The following PHEX variants were observed in gnomAD, a reference collection of about 807,000 sequenced individuals.
The protein encoded by PHEX is phosphate regulating endopeptidase X-linked, also known as phosphate-regulating neutral endopeptidase PHEX.
In PHEX, 16 loss-of-function variants were observed where a neutral mutation model predicts 68.0. That is an observed-to-expected ratio of 0.24 (90% CI 0.16 to 0.36). The LOEUF (loss-of-function observed/expected upper bound fraction) is 0.36, where lower values mean the gene tolerates loss of function less well. Ranked by LOEUF, PHEX falls within the 10% of genes least tolerant of loss-of-function variation. PHEX has a pLI of 1.00. For synonymous variants in PHEX, 208 were observed against 205.1 expected (o/e 1.01, Z -0.12); for missense variants, 480 against 575.5 (o/e 0.83, Z 1.70).
chrX:22,234,297 C>T, intron 20 of PHEX, among the ~76,000 whole-genome samples: 1 of 112,704 alleles, frequency 8.9e-6, no homozygotes. Flanking sequence ...GGCAGTCTGA[C>T]CCTTAGCAGA....
intron 14 of PHEX, among the ~76,000 whole-genome samples, chrX:22,178,914 AG>A (rs1933795249): frequency 8.9e-6 from 1 of 111,749 alleles, no homozygotes; most frequent in South Asian, 3.7e-4. Context: ...GAGTTTCCTT[AG>A]GAACTTTTAG....
rs1934691409 is a variant in PHEX, at chrX:22,205,722, A to G, written c.1646-7182A>G. 2.7e-5 allele frequency among the ~76,000 whole-genome samples: 3 copies of G among 110,580 alleles called. No homozygotes were observed. The South Asian group carries it at 1.1e-3, about 41-fold the overall frequency. On this transcript the variant is annotated intron_variant, in intron 15 of 21. Coordinates refer to ENST00000379374, the MANE Select transcript of PHEX (RefSeq NM_000444.6). ...AATATTTAAAAAACTTCCAAATAAC[A>G]TACAATTTTGGAAGGTAATGTTTTA...
In PHEX at chrX:22,229,210, A is replaced by G. The variant is rs1186307037; in HGVS notation, c.2070+1599A>G. On this transcript the variant is annotated intron_variant, in intron 20 of 21. Coordinates refer to ENST00000379374, the MANE Select transcript of PHEX (RefSeq NM_000444.6). ...CACAATAAACATAAGTGTGCATGGC[A>G]TCTTTCTTTATAGTAGCATGGTTTA... Among the ~76,000 whole-genome samples, 4 of 111,839 alleles carry G rather than the reference A, an allele frequency of 3.6e-5. No homozygotes were observed. In the East Asian group the frequency reaches 1.1e-3, roughly 32 times the overall value.
Position 22,145,164 on chromosome X carries a change from A to T in PHEX, c.1404+11540A>T, listed in dbSNP as rs1036265645. Among the ~76,000 whole-genome samples, 6 of 111,846 alleles carry T rather than the reference A, an allele frequency of 5.4e-5. No individual in the cohort carries two copies. In the Admixed American group the frequency reaches 5.7e-4, roughly 11 times the overall value. ...CAGGTGTTGTCAGCCTGATCCTTTC[A>T]TTTGAACTTTCTTACCATTCCTCAT... On this transcript the variant is annotated intron_variant, in intron 12 of 21. Transcript: ENST00000379374.
intron 9 of PHEX, among the ~76,000 whole-genome samples, chrX:22,101,582 T>A (rs1279453981): frequency 8.9e-6 from 1 of 111,754 alleles, no homozygotes; most frequent in Non-Finnish European, 1.9e-5. Flanking sequence ...GAAGCCAGAC[T>A]CCTTTCATCT....
intron 2 of PHEX, among the ~76,000 whole-genome samples, chrX:22,040,117 C>G (rs1220712491): frequency 9.0e-6 from 1 of 111,673 alleles, no homozygotes; most frequent in Non-Finnish European, 1.9e-5. Flanking sequence ...TTCAGGGAGC[C>G]AGATTCTAGC....
intron 11 of PHEX, among the ~76,000 whole-genome samples, chrX:22,132,356 CT>C (rs779194032): frequency 1.0e-3 from 112 of 111,686 alleles, no homozygotes; most frequent in African/African-American, 3.5e-3. Flanking sequence ...AATCCTCCTG[CT>C]TCGGCCTTCC....
At chrX:22,240,634 C>G (rs1179761769) in intron 20 of PHEX, among the ~76,000 whole-genome samples, 2 of 95,327 alleles carry the variant, frequency 2.1e-5, no homozygotes, top group Admixed American at 1.0e-4. Context: ...GACTTTAATC[C>G]AACAAAGATC....
intron 15 of PHEX, among the ~76,000 whole-genome samples, chrX:22,197,131 G>GC (rs1934391854): frequency 8.9e-6 from 1 of 111,796 alleles, no homozygotes; most frequent in South Asian, 3.7e-4. Flanking sequence ...GTCTTCCATT[G>GC]TTTTTAGAGC....
At chrX:22,216,560 C>T (rs1361180827) in intron 16 of PHEX, among the ~76,000 whole-genome samples, 2 of 109,376 alleles carry the variant, frequency 1.8e-5, no homozygotes, top group African/African-American at 6.7e-5. Context: ...GCTCTTGTTG[C>T]CCAGGCTGGA....
intron 11 of PHEX, among the ~76,000 whole-genome samples, chrX:22,125,567 T>C (rs900134269): frequency 6.3e-5 from 7 of 111,489 alleles, no homozygotes; most frequent in Non-Finnish European, 1.3e-4. Flanking sequence ...CCAAGCTGTT[T>C]GTCATGTACC....
intron 17 of PHEX, among the ~76,000 whole-genome samples, chrX:22,219,648 C>T (rs925161508): frequency 8.9e-6 from 1 of 111,823 alleles, no homozygotes; most frequent in Non-Finnish European, 1.9e-5. Flanking sequence ...GAGACGGAGT[C>T]TAGCTCTGTC....
At chrX:22,069,802 T>C (rs1168825488) in intron 3 of PHEX, among the ~76,000 whole-genome samples, 2 of 111,852 alleles carry the variant, frequency 1.8e-5, no homozygotes, top group Non-Finnish European at 3.8e-5. Flanking sequence ...GCTGAGGAAC[T>C]GCCAAGCTGA....
chrX:22,080,471 A>G (rs1416364878), intron 5 of PHEX, among the ~76,000 whole-genome samples: 1 of 111,528 alleles, frequency 9.0e-6, no homozygotes, highest in East Asian at 2.8e-4. Flanking sequence ...CACATTTACA[A>G]GAGTTCGAGC....
chrX:22,239,505 G>A lies in PHEX; in HGVS notation c.2071-5828G>A, dbSNP rs187045795. Reference sequence around the variant, plus strand: ...CTAAGAACCTTGAAAACAGGTTAGAGGAACTGCTAACTAGAATAACCAGTT... The same window carrying A: ...CTAAGAACCTTGAAAACAGGTTAGAAGAACTGCTAACTAGAATAACCAGTT... On this transcript the variant is annotated intron_variant, in intron 20 of 21. Coordinates refer to ENST00000379374, the MANE Select transcript of PHEX (RefSeq NM_000444.6). 4.7e-3 allele frequency among the ~76,000 whole-genome samples: 522 copies of A among 110,833 alleles called. 2 individuals carry two copies. The highest frequency in any genetic ancestry group is 0.016 in the African/African-American group (491 of 30,508).
chrX:22,206,704 C>T (rs760838572), intron 15 of PHEX, among the ~76,000 whole-genome samples: 1 of 111,079 alleles, frequency 9.0e-6, no homozygotes, highest in Non-Finnish European at 1.9e-5. Context: ...AGAAGAGAGG[C>T]GTAGGGCAAA....
intron 20 of PHEX, among the ~76,000 whole-genome samples, chrX:22,239,469 T>C (rs749343036): frequency 1.1e-4 from 12 of 111,055 alleles, no homozygotes; most frequent in South Asian, 3.8e-4. Context: ...TTCTAACCCA[T>C]TGCAAGGAAG....
At chrX:22,089,408 T>TTTTTTTTTG (rs1449918541) in intron 5 of PHEX, among the ~76,000 whole-genome samples, 1 of 66,973 alleles carries the variant, frequency 1.5e-5, no homozygotes, top group African/African-American at 7.1e-5. Context: ...TTTTTTTTGT[T>TTTTTTTTTG]TTTTTTTTGT....
At chrX:22,111,732 G>A (rs758099496) in intron 10 of PHEX, among the ~76,000 whole-genome samples, 172 bp downstream of exon 10, 9 of 111,343 alleles carry the variant, frequency 8.1e-5, no homozygotes, top group African/African-American at 2.3e-4. Flanking sequence ...TTTTTATTTA[G>A]GTATAAATTA....
Sources: allele counts gnomAD v4.1 joint callset (sites outside exome capture counted in the v4.1 genomes callset), GRCh38; gene constraint gnomAD v4.1.1; transcripts MANE v1.5; gene names NCBI Gene and HGNC (gene_info 2026-07-23, HGNC 2026-07-21).